Variants in VPS26C observed in about 807,000 individuals in gnomAD.
VPS26C encodes the protein vacuolar protein sorting-associated protein 26C.
VPS26C carries 19 observed loss-of-function variants against 30.6 expected under a neutral mutation model. That is an observed-to-expected ratio of 0.62 (90% CI 0.43 to 0.91). VPS26C has a LOEUF of 0.91. VPS26C is among the 40% of genes least tolerant of loss of function. The pLI is 0.00. For missense variants in VPS26C, 318 were observed against 385.1 expected (o/e 0.83, Z 1.46); for synonymous variants, 132 against 151.5 (o/e 0.87, Z 0.95).
intron 5 of VPS26C, 163 bp from the exon 6 acceptor site, chr21:37,228,536 G>C (rs2085928868): frequency 1.5e-6 from 1 of 682,992 alleles, no homozygotes; most frequent in Non-Finnish European, 2.4e-6. Context: ...CTGACGTCTT[G>C]GACATTAGCC....
chr21:37,233,345 C>T lies in VPS26C; in HGVS notation c.432+17G>A, dbSNP rs1461425955. The T allele has an allele frequency of 1.2e-6, 2 of 1,609,338 alleles. No individual in the cohort carries two copies. The highest frequency in any genetic ancestry group is 1.7e-6 in the Non-Finnish European group (2 of 1,175,712). Reference sequence around the variant, plus strand: ...GATTCCTATCATTAAGCACCAGAGTCCCCGAGTGAAGCTTACAGCGGAGTG... The same window carrying T: ...GATTCCTATCATTAAGCACCAGAGTTCCCGAGTGAAGCTTACAGCGGAGTG... On this transcript the variant is annotated intron_variant, in intron 4 of 7. Coordinates refer to ENST00000309117, the MANE Select transcript of VPS26C (RefSeq NM_006052.2). The surrounding 1 kb of genome is among the most constrained non-coding windows in gnomAD (Gnocchi z 5.2).
intron 7 of VPS26C, 100 bp downstream of exon 7, chr21:37,227,554 G>A (rs1336908924): frequency 1.1e-5 from 15 of 1,399,768 alleles, no homozygotes; most frequent in African/African-American, 7.1e-5. Context: ...CTGAGGGACC[G>A]AAGGGCGGCA....
intron 1 of VPS26C, 147 bp downstream of exon 1, chr21:37,267,091 G>C (rs997743861): frequency 3.9e-6 from 3 of 773,960 alleles, no homozygotes; most frequent in Non-Finnish European, 6.7e-6. Flanking sequence ...CGCACCTGGC[G>C]GGAACGCACC....
In VPS26C at chr21:37,267,277, G is replaced by A; in HGVS notation, c.18C>T (p.Asp6=). The change falls in exon 1 of 8, where the codon GAC becomes GAT. Residue 6 remains aspartate, a synonymous_variant. Transcript: ENST00000309117. ...CTTTATTCGCTCTTTTAATCTTGAT[G>A]TCCAGGGCGGTCCCCATCTCCAATT... MGTAL[D]IKIKRANKVY... The A allele has an allele frequency of 1.4e-6, 2 of 1,389,192 alleles. No homozygotes were observed. Among genetic ancestry groups the A allele is most frequent in the South Asian group, 2.3e-5 (2 of 88,370 alleles). The allele number at this position is 1,389,192 out of a possible 1,614,324, so 86.1% of individuals were successfully genotyped here.
intron 1 of VPS26C, among the ~76,000 whole-genome samples, chr21:37,254,812 A>G (rs927140755): frequency 1.3e-5 from 2 of 148,530 alleles, no homozygotes; most frequent in African/African-American, 5.2e-5. Flanking sequence ...TAGAAAAAAA[A>G]AATAAATAAA....
intron 2 of VPS26C, 151 bp downstream of exon 2, chr21:37,240,345 A>G: frequency 1.2e-6 from 1 of 806,612 alleles, no homozygotes. Flanking sequence ...GGCTACTCTC[A>G]AACTCCTGGG....
intron 1 of VPS26C, among the ~76,000 whole-genome samples, chr21:37,259,133 C>A (rs577127831): frequency 1.2e-4 from 18 of 152,008 alleles, no homozygotes; most frequent in African/African-American, 3.9e-4. Context: ...TAAGTCCTTA[C>A]AACAAGCATT....
chr21:37,234,503 C>T (rs1184962886), intron 3 of VPS26C, among the ~76,000 whole-genome samples: 2 of 152,098 alleles, frequency 1.3e-5, no homozygotes, highest in African/African-American at 4.8e-5. Context: ...AATCCCTGTC[C>T]GTGAGCTGAG....
At chr21:37,247,500 C>G (rs1018419245) in intron 1 of VPS26C, among the ~76,000 whole-genome samples, 38 of 152,216 alleles carry the variant, frequency 2.5e-4, no homozygotes, top group African/African-American at 8.2e-4. Context: ...GAAAATCATA[C>G]AAACAACTAA....
intron 1 of VPS26C, among the ~76,000 whole-genome samples, chr21:37,259,160 C>G (rs373470490): frequency 1.6e-4 from 24 of 151,748 alleles, no homozygotes; most frequent in African/African-American, 5.8e-4. Context: ...TACAACTGAT[C>G]ATTCATTTAC....
intron 1 of VPS26C, among the ~76,000 whole-genome samples, chr21:37,250,569 A>G (rs2086182034): frequency 6.6e-6 from 1 of 152,114 alleles, no homozygotes; most frequent in Non-Finnish European, 1.5e-5. Context: ...ACAAATTAGC[A>G]AAGGGCTGAT....
intron 1 of VPS26C, among the ~76,000 whole-genome samples, chr21:37,255,410 T>C (rs1602284147): frequency 1.3e-5 from 2 of 152,080 alleles, no homozygotes; most frequent in East Asian, 3.9e-4. Flanking sequence ...GGGGGAACGG[T>C]AGTGAGGATG....
rs936776798 is a variant in VPS26C, at chr21:37,225,538, T to G, written c.*6A>C. 1.2e-6 allele frequency: 2 copies of G among 1,613,628 alleles called. No homozygotes were observed. The highest frequency in any genetic ancestry group is 1.7e-6 in the Non-Finnish European group (2 of 1,179,524). On this transcript the variant is annotated 3_prime_UTR_variant, in exon 8 of 8. Transcript: ENST00000309117. ...ACTCCCGTTCTCTATGCTTCCCTCC[T>G]CCGGGCTATATCCTGCAGAGCTTCA... is the stretch of plus-strand genomic sequence containing the variant.
At chr21:37,230,322 C>T (rs1254705079) in intron 5 of VPS26C, among the ~76,000 whole-genome samples, 6 of 152,232 alleles carry the variant, frequency 3.9e-5, no homozygotes, top group Admixed American at 3.9e-4. Context: ...TTTCCCTCTC[C>T]TCCCACTGAC....
In VPS26C at chr21:37,233,395, C is replaced by G. The variant is rs1333868683; in HGVS notation, c.399G>C (p.Leu133Phe). Residue 133 changes from leucine (L) to phenylalanine (F), a missense_variant, in exon 4 of 8, where the codon TTG (leucine) becomes TTC (phenylalanine). Physicochemically the swap from Leu to Phe is conservative, Grantham distance 22. Transcript: ENST00000309117. The surrounding 1 kb of genome is among the most constrained non-coding windows in gnomAD (Gnocchi z 5.2). The stretch of plus-strand genomic sequence containing the variant: ...GAACGATAAATTCACAGGTCTTTGT[C>G]AAGTCCTTGGCCAACAGAGACCGCT... ...DMKRSLLAKD[L>F]TKTCEFIVHS... The G allele has an allele frequency of 6.2e-7, 1 of 1,614,180 alleles. No individual in the cohort carries two copies. Among genetic ancestry groups the G allele is most frequent in the Admixed American group, 1.7e-5 (1 of 60,026 alleles).
rs368731718 is a variant in VPS26C at position 37,240,529 on chromosome 21, C to T, written c.168G>A (p.Val56=). ...AATTATAAAAAGCTTCAAACACACCCACACTTTTGGCACTGAGCTGGAGGT... is the reference window on the plus strand; with the variant it reads ...AATTATAAAAAGCTTCAAACACACCTACACTTTTGGCACTGAGCTGGAGGT... ...TVNLQLSAKS[V]GVFEAFYNSV... The change falls in exon 2 of 8, where the codon GTG becomes GTA. Residue 56 remains valine, a synonymous_variant. Coordinates refer to ENST00000309117, the MANE Select transcript of VPS26C (RefSeq NM_006052.2). 148 of 1,614,064 alleles carry T rather than the reference C, an allele frequency of 9.2e-5. No homozygotes were observed. The highest frequency in any genetic ancestry group is 1.2e-4 in the Non-Finnish European group (143 of 1,180,050).
At chr21:37,231,274 A>C (rs968794124) in intron 5 of VPS26C, among the ~76,000 whole-genome samples, 28 of 152,262 alleles carry the variant, frequency 1.8e-4, no homozygotes, top group Admixed American at 1.8e-3. Flanking sequence ...CAGGAAAAGG[A>C]GATGAAAGGC....
At chr21:37,243,414 G>A (rs1252219898) in intron 1 of VPS26C, among the ~76,000 whole-genome samples, 1 of 152,114 alleles carries the variant, frequency 6.6e-6, no homozygotes, top group Non-Finnish European at 1.5e-5. Flanking sequence ...GAGGCGCCTG[G>A]CCTGGGAAAG....
intron 1 of VPS26C, among the ~76,000 whole-genome samples, chr21:37,251,126 T>G (rs563792509): frequency 1.2e-4 from 18 of 152,332 alleles, no homozygotes; most frequent in African/African-American, 4.1e-4. Context: ...ATAAGCCTTC[T>G]CTGCATTGCT....
Sources: gnomAD v4.1 joint callset for allele counts (sites outside exome capture counted in the v4.1 genomes callset) on GRCh38, gnomAD v4.1.1 for gene constraint, Gnocchi (gnomAD v3.1) non-coding constraint, MANE v1.5 for transcripts, NCBI Gene and HGNC (gene_info 2026-07-23, HGNC 2026-07-21) for gene names.